ZMYM6: variants seen among roughly 807,000 people sequenced by gnomAD.
ZMYM6 encodes the protein zinc finger MYM-type protein 6.
ZMYM6 carries 90 observed loss-of-function variants against 134.0 expected under a neutral mutation model. That is an observed-to-expected ratio of 0.67 (90% CI 0.57 to 0.80). The LOEUF is 0.80. Among genes scored for constraint, ZMYM6 ranks in the 30% least tolerant of loss-of-function variants. The pLI is 0.00. For missense variants in ZMYM6, 1,362 were observed against 1,533.9 expected, an observed-to-expected ratio of 0.89 and a Z score of 1.87; for synonymous variants, 481 against 524.1, an observed-to-expected ratio of 0.92 and a Z score of 1.12.
In ZMYM6 at chr1:35,007,062, G is replaced by T. The variant is rs1640993989; in HGVS notation, c.1702C>A (p.Leu568Ile). The T allele has an allele frequency of 3.1e-6, 5 of 1,609,424 alleles. No individual in the cohort carries two copies. In the East Asian group the frequency reaches 1.1e-4, roughly 36 times the overall value. The change falls in exon 12 of 16, where the codon CTA becomes ATA. Residue 568 changes from leucine (L) to isoleucine (I), a missense_variant. Around this residue, in one of 3 missense-constraint regions of ZMYM6, gnomAD observed 824 missense variants for 940.9 expected, o/e 0.88. Transcript: ENST00000357182. ...KCDGCKRQGK[L>I]SESIKWRGNI... The stretch of plus-strand genomic sequence containing the variant: ...CCTCGCCACTTTATGGACTCGCTTA[G>T]TTTACCCTGTCGTTTACAACCATCA...
intron 6 of ZMYM6, chr1:35,013,690 TTTTG>T (rs894928060): frequency 3.7e-5 from 36 of 975,786 alleles, no homozygotes; most frequent in East Asian, 1.1e-4. Context: ...TGTTTTTTTT[TTTTG>T]TTTGTTTGTT....
At position 34,987,704 on chromosome 1, in the gene ZMYM6, T is replaced by A. The variant is rs1640599034; in HGVS notation, c.3378A>T (p.Leu1126Phe). ...LSDIFSLINELNLSLQGTLTT... is the reference protein window; with the variant it reads ...LSDIFSLINEFNLSLQGTLTT... ...TCAAAGTTCCTTGGAGACTTAAATT[T>A]AATTCATTTATAAGTGAAAATATAT... The change falls in exon 16 of 16, where the codon TTA becomes TTT. Residue 1126 changes from leucine to phenylalanine, a missense_variant. By Grantham distance (22) the Leu-to-Phe change is conservative. Around this residue, in one of 3 missense-constraint regions of ZMYM6, gnomAD observed 824 missense variants for 940.9 expected, o/e 0.88. Coordinates refer to ENST00000357182, the MANE Select transcript of ZMYM6 (RefSeq NM_007167.4). 1.3e-6 allele frequency: 2 copies of A among 1,550,476 alleles called. No individual in the cohort carries two copies. Among genetic ancestry groups the A allele is most frequent in the Non-Finnish European group, 1.7e-6 (2 of 1,146,650 alleles).
rs74780395 is a variant in ZMYM6, at chr1:35,030,573, T to C, written c.67A>G (p.Ile23Val). 1.1e-3 allele frequency: 1,705 copies of C among 1,613,070 alleles called. 17 individuals are homozygous for C. The African/African-American group carries it at 0.02, about 19-fold the overall frequency. Residue 23 changes from isoleucine (I) to valine (V), a missense_variant, in exon 2 of 16, where the codon ATT becomes GTT. Around this residue, in one of 3 missense-constraint regions of ZMYM6, gnomAD observed 503 missense variants for 520.8 expected, o/e 0.97. Coordinates refer to ENST00000357182, the MANE Select transcript of ZMYM6 (RefSeq NM_007167.4). ...VVPQQELLDK[I>V]KEEPDNAQEY... ...TGAGCATTGTCTGGTTCTTCTTTAA[T>C]TTTGTCCAGAAGCTCCTGCTGTGGT... is the stretch of plus-strand genomic sequence containing the variant.
intron 14 of ZMYM6, among the ~76,000 whole-genome samples, chr1:34,998,905 T>C (rs543970825): frequency 6.6e-6 from 1 of 152,178 alleles, no homozygotes; most frequent in East Asian, 1.9e-4. Flanking sequence ...GAGGATGGCT[T>C]GAGTCCAGAA....
Position 34,992,679 on chromosome 1 carries a change from TTTGTAAATATAAAAATAAAAATATAC to T in ZMYM6, c.1993-318_1993-293del, listed in dbSNP as rs1390431044. ...TATAAACTATAAATATAAAAATATA[TTTGTAAATATAAAAATAAAAATATAC>T]TTATAAACTATAAAAATAAAAATAT... On this transcript the variant is annotated intron_variant, in intron 14 of 15. Coordinates refer to ENST00000357182, the MANE Select transcript of ZMYM6 (RefSeq NM_007167.4). 6.8e-3 allele frequency among the ~76,000 whole-genome samples: 974 copies of T among 144,072 alleles called. 62 individuals are homozygous for T. The highest frequency in any genetic ancestry group is 0.022 in the African/African-American group (885 of 39,372). 94.5% of individuals were successfully genotyped at this position (144,072 alleles called of 152,430 possible).
chr1:35,026,082 G>A (rs1032503882), intron 2 of ZMYM6, among the ~76,000 whole-genome samples: 6 of 151,914 alleles, frequency 3.9e-5, no homozygotes, highest in Admixed American at 1.3e-4. Context: ...GTGCAGTGGC[G>A]CAATCTCAGT....
rs6701413 is a variant in ZMYM6, at chr1:35,010,735, T to A, written c.1341+23A>T. On this transcript the variant is annotated intron_variant, in intron 9 of 15. Coordinates refer to ENST00000357182, the MANE Select transcript of ZMYM6 (RefSeq NM_007167.4). ...TTCTACTGGATGAGTTTATATACAATCCCTTTCATGATCTCTCTTTACCTT... is the reference window on the plus strand; with the variant it reads ...TTCTACTGGATGAGTTTATATACAAACCCTTTCATGATCTCTCTTTACCTT... The A allele has an allele frequency of 0.014, 20,964 of 1,539,176 alleles. 1,413 individuals are homozygous for A. In the African/African-American group the frequency reaches 0.19, roughly 14 times the overall value.
At chr1:34,989,019 A>T in intron 15 of ZMYM6, 84 bp from the exon 16 acceptor site, 1 of 1,523,068 alleles carries the variant, frequency 6.6e-7, no homozygotes, top group Non-Finnish European at 8.7e-7. Flanking sequence ...TTTAAAATTC[A>T]TATTTTGTTA....
chr1:35,020,558 T>G, intron 2 of ZMYM6, 91 bp from the exon 3 acceptor site: 9 of 472,116 alleles, frequency 1.9e-5, no homozygotes, highest in Non-Finnish European at 3.0e-5. Context: ...TATTCTATCC[T>G]ATTCATCTCC....
intron 2 of ZMYM6, among the ~76,000 whole-genome samples, chr1:35,027,195 A>G (rs1641430074): frequency 6.6e-6 from 1 of 152,218 alleles, no homozygotes; most frequent in Admixed American, 6.5e-5. Context: ...AACTGCAAAT[A>G]GCTGGCAGCA....
At chr1:34,991,233 T>C (rs745535565) in intron 15 of ZMYM6, among the ~76,000 whole-genome samples, 3 of 151,870 alleles carry the variant, frequency 2.0e-5, no homozygotes, top group African/African-American at 2.4e-5. Context: ...CACACACACA[T>C]ACACACATAT....
intron 8 of ZMYM6, among the ~76,000 whole-genome samples, chr1:35,011,552 G>A (rs1423054950): frequency 1.3e-5 from 2 of 152,080 alleles, no homozygotes; most frequent in Non-Finnish European, 2.9e-5. Flanking sequence ...GAGAGGAAGG[G>A]GTATGTGAAT....
intron 2 of ZMYM6, among the ~76,000 whole-genome samples, chr1:35,023,474 AG>A (rs1255019429): frequency 6.6e-6 from 1 of 152,222 alleles, no homozygotes; most frequent in African/African-American, 2.4e-5. Flanking sequence ...TGCTAAATGA[AG>A]GAATCTAAGT....
intron 2 of ZMYM6, among the ~76,000 whole-genome samples, chr1:35,029,875 T>C (rs1641485796): frequency 6.6e-6 from 1 of 152,148 alleles, no homozygotes; most frequent in Non-Finnish European, 1.5e-5. Context: ...AGTTTGTAAT[T>C]ATATATATTA....
At chr1:35,015,743 A>AAAAAAAAAAAAAAATATATAT in intron 4 of ZMYM6, among the ~76,000 whole-genome samples, 2 of 106,462 alleles carry the variant, frequency 1.9e-5, no homozygotes, top group African/African-American at 1.3e-4. Context: ...AAAAAAAAAA[A>AAAAAAAAAAAAAAATATATAT]ATATATATAT....
chr1:34,989,271 C>T (rs1445346483), intron 15 of ZMYM6: 2 of 1,030,032 alleles, frequency 1.9e-6, no homozygotes. Context: ...AGCAGGGTGG[C>T]TCACACCTAT....
rs775907807 is a variant in ZMYM6 at position 35,008,858 on chromosome 1, T to G, written c.1559A>C (p.Tyr520Ser). ...RWGNYCKMCS[Y>S]CSQTSPNLVE... is the part of the protein sequence containing the mutation. ...CAAATTTGGGGATGTCTGTGAACAG[T>G]AGCTGCACATCTTACAGTAGTTTCC... is the stretch of plus-strand genomic sequence containing the variant. The change falls in exon 11 of 16, where the codon TAC (tyrosine) becomes TCC (serine). Residue 520 changes from tyrosine to serine, a missense_variant. Around this residue, in one of 3 missense-constraint regions of ZMYM6, gnomAD observed 824 missense variants for 940.9 expected, o/e 0.88. Coordinates refer to ENST00000357182, the MANE Select transcript of ZMYM6 (RefSeq NM_007167.4). The G allele has an allele frequency of 4.3e-6, 7 of 1,614,008 alleles. No individual in the cohort carries two copies. Among genetic ancestry groups the G allele is most frequent in the Non-Finnish European group, 5.1e-6 (6 of 1,180,016 alleles).
intron 14 of ZMYM6, among the ~76,000 whole-genome samples, chr1:34,994,963 A>G (rs1357681014): frequency 6.8e-6 from 1 of 147,796 alleles, no homozygotes; most frequent in Non-Finnish European, 1.5e-5. Flanking sequence ...TCCATAATAT[A>G]TCATAATATG....
chr1:35,002,265 G>A (rs1436655679), intron 14 of ZMYM6, among the ~76,000 whole-genome samples: 1 of 152,142 alleles, frequency 6.6e-6, no homozygotes, highest in Non-Finnish European at 1.5e-5. Flanking sequence ...TTCCTTATTA[G>A]CAGGTGTTAT....
Sources: allele counts gnomAD v4.1 joint callset (sites outside exome capture counted in the v4.1 genomes callset), GRCh38; gene constraint gnomAD v4.1.1; regional missense constraint gnomAD v4.1.1; transcripts MANE v1.5; gene names NCBI Gene and HGNC (gene_info 2026-07-23, HGNC 2026-07-21).